The following FAM241A variants were observed in gnomAD, a reference collection of about 807,000 sequenced individuals.
FAM241A encodes the protein uncharacterized protein FAM241A.
Under a neutral mutation model 12.2 loss-of-function variants are expected in FAM241A, and 7 were observed. The observed-to-expected ratio is 0.58, with a 90% CI of 0.33 to 1.08. The LOEUF is 1.08. FAM241A is among the 50% of genes least tolerant of loss of function. The pLI is 0.04. For synonymous variants in FAM241A, 74 were observed against 68.2 expected (o/e 1.08, Z -0.42); for missense variants, 161 against 169.7 (o/e 0.95, Z 0.29).
chr4:112,151,440 G>A (rs1035482066), intron 1 of FAM241A, among the ~76,000 whole-genome samples: 1 of 152,144 alleles, frequency 6.6e-6, no homozygotes, highest in Non-Finnish European at 1.5e-5. Flanking sequence ...GTCTGTGTCT[G>A]ATTTTTTTAT....
chr4:112,172,849 GTTTA>G (rs1409409349), intron 1 of FAM241A, among the ~76,000 whole-genome samples: 3 of 152,022 alleles, frequency 2.0e-5, no homozygotes, highest in Non-Finnish European at 4.4e-5. Context: ...GCGTTAATAT[GTTTA>G]TTTATTTGCT....
intron 1 of FAM241A, among the ~76,000 whole-genome samples, chr4:112,162,367 A>C (rs10017006): frequency 0.44 from 66,827 of 151,986 alleles, 15,222 homozygotes; most frequent in East Asian, 0.63. Context: ...AGGAAGTCAA[A>C]TTGTCCCTGT....
chr4:112,180,612 A>G (rs1362858950), intron 1 of FAM241A, among the ~76,000 whole-genome samples: 1 of 152,182 alleles, frequency 6.6e-6, no homozygotes, highest in African/African-American at 2.4e-5. Context: ...AGTAAAAATG[A>G]TGTGGTATAA....
At chr4:112,179,914 G>GAGATATATATATAT (rs1479640205) in intron 1 of FAM241A, among the ~76,000 whole-genome samples, 45 of 117,764 alleles carry the variant, frequency 3.8e-4, no homozygotes, top group African/African-American at 1.4e-3. Context: ...AAGAAAATGT[G>GAGATATATATATAT]ATATATATAT....
In FAM241A at chr4:112,193,422, C is replaced by T. The variant is rs1265217721; in HGVS notation, c.*6484C>T. 1 of 152,094 alleles carries T rather than the reference C, an allele frequency of 6.6e-6. No individual in the cohort carries two copies. Among genetic ancestry groups the T allele is most frequent in the East Asian group, 1.9e-4 (1 of 5,186 alleles). 9.4% of individuals were successfully genotyped at this position (152,094 alleles called of 1,614,324 possible). ...GTGTTTTAGACATGAAGTCCTTGCC[C>T]ATGCCTATGTCCTGAATGGTAATGC... On this transcript the variant is annotated 3_prime_UTR_variant, in exon 2 of 2. Transcript: ENST00000309733.
chr4:112,185,158 G>A (rs1194874641), intron 1 of FAM241A, among the ~76,000 whole-genome samples: 1 of 151,926 alleles, frequency 6.6e-6, no homozygotes, highest in Non-Finnish European at 1.5e-5. Context: ...TTTGAATCAT[G>A]CCTCCTAAAT....
chr4:112,164,956 C>CA (rs1259729948), intron 1 of FAM241A, among the ~76,000 whole-genome samples: 2 of 151,974 alleles, frequency 1.3e-5, no homozygotes, highest in Admixed American at 6.5e-5. Context: ...CCAAAAAATA[C>CA]AAAAAAACTA....
At chr4:112,165,548 A>G (rs1037180618) in intron 1 of FAM241A, among the ~76,000 whole-genome samples, 4 of 152,228 alleles carry the variant, frequency 2.6e-5, no homozygotes, top group African/African-American at 9.7e-5. Flanking sequence ...CGTGGTACTT[A>G]TACCCAAGGG....
At chr4:112,164,552 C>T (rs62313748) in intron 1 of FAM241A, among the ~76,000 whole-genome samples, 3,987 of 152,036 alleles carry the variant, frequency 0.026, 82 homozygotes, top group Middle Eastern at 0.041. Flanking sequence ...ACATATGTAA[C>T]AAACCTGCAC....
intron 1 of FAM241A, among the ~76,000 whole-genome samples, chr4:112,163,003 C>T (rs1329135962): frequency 6.6e-6 from 1 of 152,084 alleles, no homozygotes; most frequent in East Asian, 1.9e-4. Flanking sequence ...GAAATAATAC[C>T]ACACATCTAC....
At chr4:112,147,596 T>C (rs1191980540) in intron 1 of FAM241A, among the ~76,000 whole-genome samples, 1 of 152,194 alleles carries the variant, frequency 6.6e-6, no homozygotes, top group African/African-American at 2.4e-5. Context: ...ATGGTAGAAA[T>C]AGTATTACAT....
Position 112,193,286 on chromosome 4 carries a change from A to G in FAM241A, c.*6348A>G, listed in dbSNP as rs945639649. On this transcript the variant is annotated 3_prime_UTR_variant, in exon 2 of 2. Coordinates refer to ENST00000309733, the MANE Select transcript of FAM241A (RefSeq NM_152400.3). ...GAGTAGGTTGCGAAAATTTTCTGCC[A>G]TTTTGTAAGTTGCCTGTTCACTCTG... 6.6e-6 allele frequency: 1 copy of G among 152,128 alleles called. No homozygotes were observed. The highest frequency in any genetic ancestry group is 1.5e-5 in the Non-Finnish European group (1 of 68,048). The allele number at this position is 152,128 out of a possible 1,614,324, so 9.4% of individuals were successfully genotyped here.
chr4:112,183,982 T>A (rs551138157), intron 1 of FAM241A, among the ~76,000 whole-genome samples: 5 of 151,890 alleles, frequency 3.3e-5, no homozygotes, highest in Admixed American at 1.3e-4. Flanking sequence ...AATTTAGAAA[T>A]CAATTTTTTA....
At chr4:112,153,446 C>T (rs1243784228) in intron 1 of FAM241A, among the ~76,000 whole-genome samples, 5 of 152,158 alleles carry the variant, frequency 3.3e-5, no homozygotes, top group Admixed American at 1.3e-4. Context: ...TTTCTGGAGT[C>T]ATAATCTTAT....
intron 1 of FAM241A, among the ~76,000 whole-genome samples, chr4:112,183,102 T>C (rs1328251269): frequency 1.3e-5 from 2 of 152,124 alleles, no homozygotes; most frequent in Non-Finnish European, 2.9e-5. Context: ...TGTGAAGATA[T>C]GTTACTTTTA....
intron 1 of FAM241A, among the ~76,000 whole-genome samples, chr4:112,174,506 TTTG>T (rs1163664941): frequency 2.0e-5 from 3 of 152,328 alleles, no homozygotes; most frequent in African/African-American, 7.2e-5. Flanking sequence ...CCGGGCTAAG[TTTG>T]TTGTTGAAAG....
In FAM241A at chr4:112,193,842, G is replaced by A. The variant is rs1385103682; in HGVS notation, c.*6904G>A. On this transcript the variant is annotated 3_prime_UTR_variant, in exon 2 of 2. Coordinates refer to ENST00000309733, the MANE Select transcript of FAM241A (RefSeq NM_152400.3). Reference sequence around the variant, plus strand: ...ACTTGGCGATGCGGGCTCTTTTTTGGTTCCATATGAACTTTAAAGTAGTTT... The same window carrying A: ...ACTTGGCGATGCGGGCTCTTTTTTGATTCCATATGAACTTTAAAGTAGTTT... 2.7e-5 allele frequency: 4 copies of A among 149,790 alleles called. No homozygotes were observed. The highest frequency in any genetic ancestry group is 5.9e-5 in the Non-Finnish European group (4 of 67,326). 9.3% of individuals were successfully genotyped at this position (149,790 alleles called of 1,614,324 possible).
At chr4:112,180,887 A>G (rs998801130) in intron 1 of FAM241A, among the ~76,000 whole-genome samples, 2 of 152,196 alleles carry the variant, frequency 1.3e-5, no homozygotes, top group African/African-American at 4.8e-5. Flanking sequence ...GTTGTTTTAA[A>G]CCATTACCTT....
chr4:112,186,969 G>A lies in FAM241A; in HGVS notation c.*31G>A. Reference sequence around the variant, plus strand: ...GGCCGAATTGAATTGTTTGACATTTGGTAGCCATATATGTAATTGAAGAAG... The same window carrying A: ...GGCCGAATTGAATTGTTTGACATTTAGTAGCCATATATGTAATTGAAGAAG... On this transcript the variant is annotated 3_prime_UTR_variant, in exon 2 of 2. Transcript: ENST00000309733. 6.3e-7 allele frequency: 1 copy of A among 1,599,524 alleles called. No homozygotes were observed. Among genetic ancestry groups the A allele is most frequent in the Non-Finnish European group, 8.5e-7 (1 of 1,171,588 alleles).
Sources: gnomAD v4.1 joint callset for allele counts (sites outside exome capture counted in the v4.1 genomes callset) on GRCh38, gnomAD v4.1.1 for gene constraint, MANE v1.5 for transcripts, NCBI Gene and HGNC (gene_info 2026-07-23, HGNC 2026-07-21) for gene names.